Variants in PKD2 observed in about 807,000 individuals in gnomAD.
The protein encoded by PKD2 is polycystin 2, transient receptor potential cation channel.
PKD2 carries 48 observed loss-of-function variants against 105.9 expected under a neutral mutation model. The ratio of observed to expected loss-of-function variants is 0.45; its 90% CI spans 0.36 to 0.58. The LOEUF is 0.58. Among genes scored for constraint, PKD2 ranks in the 20% least tolerant of loss-of-function variants. PKD2 has a pLI of 0.00. For missense variants in PKD2, 1,078 were observed against 1,255.3 expected (o/e 0.86, Z 2.13); for synonymous variants, 464 against 481.1 (o/e 0.96, Z 0.46).
At position 88,038,308 on chromosome 4, in the gene PKD2, A is replaced by C; in HGVS notation, c.901A>C (p.Thr301Pro). 1 of 1,613,954 alleles carries C rather than the reference A, an allele frequency of 6.2e-7. No homozygotes were observed. Among genetic ancestry groups the C allele is most frequent in the South Asian group, 1.1e-5 (1 of 91,082 alleles). Reference protein sequence around the residue: ...LYWKMQPSNQTEADNRSFIFY... With the variant: ...LYWKMQPSNQPEADNRSFIFY... ...CTGGAAGATGCAGCCCAGCAACCAG[A>C]CTGAAGCTGACAACCGAAGTTTCAT... The change falls in exon 4 of 15, where the codon ACT becomes CCT. Residue 301 changes from threonine to proline, a missense_variant. By Grantham distance (38) the Thr-to-Pro change is conservative. Transcript: ENST00000237596.
At position 88,008,046 on chromosome 4, in the gene PKD2, G is replaced by A. The variant is rs1177416852; in HGVS notation, c.313G>A (p.Gly105Arg). 3.9e-6 allele frequency: 6 copies of A among 1,521,666 alleles called. No individual in the cohort carries two copies. The highest frequency in any genetic ancestry group is 2.5e-5 in the East Asian group (1 of 39,714). 94.3% of individuals were successfully genotyped at this position (1,521,666 alleles called of 1,614,324 possible). The change falls in exon 1 of 15, where the codon GGG (glycine) becomes AGG (arginine). Residue 105 changes from glycine to arginine, a missense_variant. Gly to Arg is a moderately radical substitution (Grantham distance 125, BLOSUM62 -2). Coordinates refer to ENST00000237596, the MANE Select transcript of PKD2 (RefSeq NM_000297.4). ...EAEEEEEEVE[G>R]EEGGMVVEMD... The stretch of plus-strand genomic sequence containing the variant: ...CGAGGAGGAGGAGGAGGAGGTGGAA[G>A]GGGAAGAAGGCGGAATGGTGGTGGA...
At chr4:88,039,285 G>A (rs982411533) in intron 4 of PKD2, among the ~76,000 whole-genome samples, 7 of 152,012 alleles carry the variant, frequency 4.6e-5, no homozygotes, top group Admixed American at 4.6e-4. Flanking sequence ...CTATACAATG[G>A]GCAATCACCT....
intron 7 of PKD2, among the ~76,000 whole-genome samples, chr4:88,055,498 G>A (rs1720291095): frequency 6.6e-6 from 1 of 151,950 alleles, no homozygotes; most frequent in Admixed American, 6.6e-5. Flanking sequence ...CACCACACCT[G>A]ACTAATTTAT....
intron 1 of PKD2, among the ~76,000 whole-genome samples, chr4:88,011,859 G>A (rs555622448): frequency 4.1e-5 from 5 of 123,328 alleles, no homozygotes; most frequent in Admixed American, 4.0e-4. Context: ...ATGTCATCAC[G>A]AGCAGAGCTT....
At chr4:88,071,975 CT>C (rs1199490302) in intron 13 of PKD2, among the ~76,000 whole-genome samples, 3,149 of 87,178 alleles carry the variant, frequency 0.036, 7 homozygotes, top group East Asian at 0.13. Flanking sequence ...AGAGGCCAGT[CT>C]TTTTTTTTTT....
intron 7 of PKD2, among the ~76,000 whole-genome samples, chr4:88,054,606 G>A (rs1172680388): frequency 6.8e-6 from 1 of 147,448 alleles, no homozygotes; most frequent in Non-Finnish European, 1.5e-5. Context: ...CTTGCCCCTC[G>A]ATACTTTATC....
chr4:88,055,520 A>G (rs1720291616), intron 7 of PKD2, among the ~76,000 whole-genome samples: 1 of 151,920 alleles, frequency 6.6e-6, no homozygotes, highest in Admixed American at 6.6e-5. Context: ...TTTATTTTCT[A>G]ATGAAACAGA....
At chr4:88,056,405 T>C (rs1324651771) in intron 8 of PKD2, 138 bp downstream of exon 8, 2 of 637,686 alleles carry the variant, frequency 3.1e-6, no homozygotes, top group Non-Finnish European at 5.5e-6. Flanking sequence ...AATTACCTTT[T>C]CCCAAAACAT....
At chr4:88,043,208 GT>G in intron 4 of PKD2, 24 bp from the exon 5 acceptor site, 2 of 1,433,302 alleles carry the variant, frequency 1.4e-6, no homozygotes, top group South Asian at 1.1e-5. Context: ...GTAACTGTTT[GT>G]TTTTTGGTTT....
intron 2 of PKD2, among the ~76,000 whole-genome samples, chr4:88,025,248 A>G (rs763306902): frequency 2.0e-4 from 31 of 152,090 alleles, no homozygotes; most frequent in Non-Finnish European, 3.2e-4. Flanking sequence ...AATTGAGGCC[A>G]GGAGTTCAAG....
chr4:88,026,324 G>A (rs1175334029), intron 2 of PKD2, among the ~76,000 whole-genome samples: 1 of 152,222 alleles, frequency 6.6e-6, no homozygotes, highest in Non-Finnish European at 1.5e-5. Flanking sequence ...TTAGCGAAGA[G>A]ACTGGCAGCA....
At chr4:88,056,870 C>CTAAG (rs1228100212) in intron 8 of PKD2, among the ~76,000 whole-genome samples, 1 of 152,186 alleles carries the variant, frequency 6.6e-6, no homozygotes, top group African/African-American at 2.4e-5. Context: ...AGTGATTTTG[C>CTAAG]TAAGACCCAG....
chr4:88,038,103 T>A, intron 3 of PKD2, 148 bp from the exon 4 acceptor site: 1 of 872,058 alleles, frequency 1.1e-6, no homozygotes, highest in Non-Finnish European at 1.9e-6. Flanking sequence ...CAAGATGCTA[T>A]CCCAAATCTC....
chr4:88,042,250 C>T (rs114021055), intron 4 of PKD2, among the ~76,000 whole-genome samples: 3,092 of 152,230 alleles, frequency 0.02, 45 homozygotes, highest in South Asian at 0.059. Flanking sequence ...TGGTGGAAGG[C>T]GAGGAGCAAG....
At chr4:88,062,871 C>T (rs1720630325) in intron 10 of PKD2, among the ~76,000 whole-genome samples, 1 of 152,224 alleles carries the variant, frequency 6.6e-6, no homozygotes, top group African/African-American at 2.4e-5. Context: ...CAGTTGCTTA[C>T]ATTTTAGCAA....
chr4:88,019,248 G>T (rs1341504204), intron 1 of PKD2, among the ~76,000 whole-genome samples: 1 of 151,330 alleles, frequency 6.6e-6, no homozygotes, highest in Non-Finnish European at 1.5e-5. Context: ...TGCATGTTTG[G>T]GGTAACATTG....
At chr4:88,042,039 A>G (rs1285649840) in intron 4 of PKD2, among the ~76,000 whole-genome samples, 1 of 152,116 alleles carries the variant, frequency 6.6e-6, no homozygotes, top group Admixed American at 6.6e-5. Flanking sequence ...CCACCTTTCA[A>G]TCTGCCATTC....
chr4:88,043,591 A>T, intron 5 of PKD2, 134 bp downstream of exon 5: 1 of 650,114 alleles, frequency 1.5e-6, no homozygotes, highest in Non-Finnish European at 2.7e-6. Context: ...ATAGCAAGGG[A>T]GGGGTAAAAA....
chr4:88,074,605 G>A (rs1398644108), intron 13 of PKD2, among the ~76,000 whole-genome samples: 1 of 152,146 alleles, frequency 6.6e-6, no homozygotes, highest in Non-Finnish European at 1.5e-5. Flanking sequence ...CTTCTGATAC[G>A]CGCTGACTTG....
Sources: gnomAD v4.1 joint callset for allele counts (sites outside exome capture counted in the v4.1 genomes callset) on GRCh38, gnomAD v4.1.1 for gene constraint, MANE v1.5 for transcripts, NCBI Gene and HGNC (gene_info 2026-07-23, HGNC 2026-07-21) for gene names.